The following PIP5K1B variants were observed in gnomAD, a reference collection of about 807,000 sequenced individuals.
PIP5K1B encodes the protein phosphatidylinositol 4-phosphate 5-kinase type-1 beta.
PIP5K1B carries 42 observed loss-of-function variants against 67.0 expected under a neutral mutation model. The observed-to-expected ratio is 0.63, with a 90% CI of 0.49 to 0.81. PIP5K1B has a LOEUF of 0.81. PIP5K1B is among the 30% of genes least tolerant of loss of function. The probability of loss-of-function intolerance (pLI) is 0.00; values close to 1 mark genes in which losing one functional copy is unlikely to be tolerated. For synonymous variants in PIP5K1B, 214 were observed against 231.4 expected (o/e 0.92, Z 0.68); for missense variants, 459 against 646.3 (o/e 0.71, Z 3.14).
intron 2 of PIP5K1B, among the ~76,000 whole-genome samples, chr9:68,807,021 T>C (rs1234534023): frequency 1.3e-5 from 2 of 152,100 alleles, no homozygotes; most frequent in African/African-American, 4.8e-5. Context: ...ACTGTGATGA[T>C]TGAATACTTG....
In PIP5K1B at chr9:68,991,261, A is replaced by G. The variant is rs757525246; in HGVS notation, c.1620+4A>G. The G allele has an allele frequency of 2.3e-5, 36 of 1,542,320 alleles. No individual in the cohort carries two copies. The highest frequency in any genetic ancestry group is 9.0e-7 in the Non-Finnish European group (1 of 1,114,608). On this transcript the variant is annotated splice_donor_region_variant and intron_variant, in intron 15 of 15. Transcript: ENST00000265382. ...TTCTGTGCTTGACGTCTATTTAGTA[A>G]GTAATTTTTTAGTTTCCTCTCCTCC...
rs879422936 is a variant in PIP5K1B, at chr9:68,785,696, C to T, written c.-85-32765C>T. Among the ~76,000 whole-genome samples, 4 of 152,220 alleles carry T rather than the reference C, an allele frequency of 2.6e-5. No individual in the cohort carries two copies. The South Asian group carries it at 6.2e-4, about 24-fold the overall frequency. ...CAGGTTGAGTTACTTGCCCAGGATT[C>T]CAGAGCTGGGAGGTAGGCAGCGAAT... On this transcript the variant is annotated intron_variant, in intron 2 of 15. Transcript: ENST00000265382.
chr9:68,982,474 T>G (rs1350846415), intron 14 of PIP5K1B, among the ~76,000 whole-genome samples: 1 of 152,182 alleles, frequency 6.6e-6, no homozygotes. Context: ...TGTATATTAC[T>G]GGCCAGGCAC....
At chr9:68,708,921 A>G (rs1425417893) in intron 1 of PIP5K1B, among the ~76,000 whole-genome samples, 1 of 152,222 alleles carries the variant, frequency 6.6e-6, no homozygotes, top group Non-Finnish European at 1.5e-5. Context: ...AAAGAATTTA[A>G]ATATTAATTA....
At chr9:68,744,793 G>A (rs1249770473) in intron 2 of PIP5K1B, among the ~76,000 whole-genome samples, 2 of 152,080 alleles carry the variant, frequency 1.3e-5, no homozygotes, top group African/African-American at 4.8e-5. Context: ...GTCTCTGGGG[G>A]CCTCTCACCT....
chr9:68,866,718 G>A (rs1170857402), intron 5 of PIP5K1B, among the ~76,000 whole-genome samples: 3 of 152,130 alleles, frequency 2.0e-5, no homozygotes, highest in South Asian at 2.1e-4. Context: ...TTTTAGTGAC[G>A]ATTTGTAGGA....
rs1334588548 is a variant in PIP5K1B at position 68,863,854 on chromosome 9, T to C, written c.87T>C (p.Ile29=). The C allele has an allele frequency of 2.5e-6, 4 of 1,613,852 alleles. No homozygotes were observed. The South Asian group carries it at 4.4e-5, about 18-fold the overall frequency. The change falls in exon 5 of 16, where the codon ATT becomes ATC. Residue 29 remains isoleucine (I), a synonymous_variant. Transcript: ENST00000265382. ...KTYKKTASSA[I]KGAIQLGIGY... ...CTTTGCAGACTGCATCATCTGCTAT[T>C]AAAGGTGCTATTCAGCTGGGAATAG...
rs962426623 is a variant in PIP5K1B, at chr9:68,840,377, C to CA, written c.69+17708dup. 5.1e-3 allele frequency among the ~76,000 whole-genome samples: 555 copies of CA among 108,506 alleles called. 1 individual carries two copies. Among genetic ancestry groups the CA allele is most frequent in the African/African-American group, 0.014 (406 of 28,672 alleles). The allele number at this position is 108,506 out of a possible 152,430, so 71.2% of individuals were successfully genotyped here. On this transcript the variant is annotated intron_variant, in intron 4 of 15. Coordinates refer to ENST00000265382, the MANE Select transcript of PIP5K1B (RefSeq NM_003558.4). Reference sequence around the variant, plus strand: ...GGGCAACAGGAATGAAACTCCATCTCAAAAAAAAAAAAAAGAAAATATTTC... The same window carrying CA: ...GGGCAACAGGAATGAAACTCCATCTCAAAAAAAAAAAAAAAGAAAATATTTC...
intron 2 of PIP5K1B, among the ~76,000 whole-genome samples, chr9:68,759,701 G>A (rs1435550632): frequency 2.6e-5 from 4 of 152,036 alleles, no homozygotes; most frequent in African/African-American, 9.7e-5. Context: ...CACCTGAAAT[G>A]AGATGTGCAG....
At chr9:68,710,475 C>CAG (rs1378363572) in intron 1 of PIP5K1B, among the ~76,000 whole-genome samples, 23 of 152,182 alleles carry the variant, frequency 1.5e-4, no homozygotes, top group African/African-American at 5.3e-4. Context: ...GAATTGTATT[C>CAG]AGTCAGGTTC....
At chr9:68,870,293 CTT>C (rs917363441) in intron 5 of PIP5K1B, among the ~76,000 whole-genome samples, 3 of 152,186 alleles carry the variant, frequency 2.0e-5, no homozygotes, top group Non-Finnish European at 4.4e-5. Context: ...CAGATGCTGA[CTT>C]TTACAGATTG....
At position 68,894,191 on chromosome 9, in the gene PIP5K1B, A is replaced by G. The variant is rs1824962502; in HGVS notation, c.472-148A>G. 4 of 626,594 alleles carry G rather than the reference A, an allele frequency of 6.4e-6. No individual in the cohort carries two copies. In the East Asian group the frequency reaches 1.1e-4, roughly 18 times the overall value. 38.8% of individuals were successfully genotyped at this position (626,594 alleles called of 1,614,324 possible). On this transcript the variant is annotated intron_variant, in intron 7 of 15. Transcript: ENST00000265382. ...TAAGCAGACTTAAGAAATAGATTAG[A>G]AACAGCAAAATTTTAGTAATGAACA...
At chr9:68,789,969 A>G (rs887397744) in intron 2 of PIP5K1B, among the ~76,000 whole-genome samples, 6 of 152,234 alleles carry the variant, frequency 3.9e-5, no homozygotes, top group African/African-American at 1.4e-4. Context: ...TTAAATATAT[A>G]CATATATATA....
chr9:68,842,269 G>A lies in PIP5K1B; in HGVS notation c.69+19586G>A, dbSNP rs1024456522. ...GAGGCAGGGAGGGTGGACAGGCAGG[G>A]AGGGTGGACAGTGGTACACACACTG... is the stretch of plus-strand genomic sequence containing the variant. On this transcript the variant is annotated intron_variant, in intron 4 of 15. Coordinates refer to ENST00000265382, the MANE Select transcript of PIP5K1B (RefSeq NM_003558.4). 2.0e-5 allele frequency among the ~76,000 whole-genome samples: 3 copies of A among 152,254 alleles called. No individual in the cohort carries two copies. The East Asian group carries it at 5.8e-4, about 29-fold the overall frequency.
At chr9:68,919,108 A>G (rs1826242260) in intron 9 of PIP5K1B, among the ~76,000 whole-genome samples, 2 of 152,164 alleles carry the variant, frequency 1.3e-5, no homozygotes, top group South Asian at 4.1e-4. Context: ...TCTTTTGATC[A>G]GAAAAAAGTA....
intron 14 of PIP5K1B, among the ~76,000 whole-genome samples, chr9:68,983,460 GT>G (rs1015865050): frequency 8.7e-5 from 13 of 149,454 alleles, no homozygotes; most frequent in African/African-American, 2.7e-4. Flanking sequence ...CTGTGTGTGT[GT>G]TTTTTTTTTC....
intron 15 of PIP5K1B, among the ~76,000 whole-genome samples, chr9:68,992,293 G>A (rs1377278836): frequency 6.6e-6 from 1 of 152,118 alleles, no homozygotes; most frequent in Non-Finnish European, 1.5e-5. Flanking sequence ...AACAGGGGAA[G>A]TGTTCTTTTG....
chr9:68,998,608 C>G (rs531738161), intron 15 of PIP5K1B, among the ~76,000 whole-genome samples: 1 of 152,172 alleles, frequency 6.6e-6, no homozygotes, highest in Non-Finnish European at 1.5e-5. Flanking sequence ...TGAGGAAGAA[C>G]AGCCTGTAAT....
At chr9:68,986,472 A>G (rs1000228670) in intron 14 of PIP5K1B, among the ~76,000 whole-genome samples, 3 of 152,160 alleles carry the variant, frequency 2.0e-5, no homozygotes, top group African/African-American at 7.2e-5. Flanking sequence ...AGTTCTTTAT[A>G]TAATCTGGAT....
Sources: allele counts gnomAD v4.1 joint callset (sites outside exome capture counted in the v4.1 genomes callset), GRCh38; gene constraint gnomAD v4.1.1; transcripts MANE v1.5; gene names NCBI Gene and HGNC (gene_info 2026-07-23, HGNC 2026-07-21).